SMYD3: variants seen among roughly 807,000 people sequenced by gnomAD.
SMYD3 encodes histone-lysine N-methyltransferase SMYD3.
In SMYD3, 36 loss-of-function variants were observed where a neutral mutation model predicts 57.7. That is an observed-to-expected ratio of 0.62 (90% CI 0.48 to 0.82). The LOEUF (loss-of-function observed/expected upper bound fraction) is 0.82. Ranked by LOEUF, SMYD3 falls within the 40% of genes least tolerant of loss-of-function variation. The pLI is 0.00. For synonymous variants in SMYD3, 211 were observed against 195.0 expected, an observed-to-expected ratio of 1.08 and a Z score of -0.68; for missense variants, 515 against 538.8, an observed-to-expected ratio of 0.96 and a Z score of 0.44.
At chr1:246,033,794 T>A (rs954390167) in intron 5 of SMYD3, among the ~76,000 whole-genome samples, 14 of 151,936 alleles carry the variant, frequency 9.2e-5, no homozygotes, top group Non-Finnish European at 2.1e-4. Context: ...CTCAAAAAAA[T>A]TAATTAATTA....
intron 10 of SMYD3, among the ~76,000 whole-genome samples, chr1:245,795,453 C>A (rs1198746572): frequency 6.6e-6 from 1 of 152,204 alleles, no homozygotes; most frequent in Admixed American, 6.5e-5. Flanking sequence ...GAGCCAAATT[C>A]CCAGCCATTT....
At chr1:246,102,755 A>T (rs4654086) in intron 5 of SMYD3, among the ~76,000 whole-genome samples, 78,685 of 146,648 alleles carry the variant, frequency 0.54, 22,790 homozygotes, top group Non-Finnish European at 0.66. Context: ...AAAAAAAAAA[A>T]AATAATAATA....
intron 5 of SMYD3, among the ~76,000 whole-genome samples, chr1:246,187,340 T>C (rs1413113636): frequency 1.4e-5 from 2 of 143,112 alleles, no homozygotes; most frequent in Non-Finnish European, 3.1e-5. Context: ...GAATGAAGAG[T>C]GGAAAAGATA....
At chr1:246,444,505 A>C (rs1026781822) in intron 1 of SMYD3, among the ~76,000 whole-genome samples, 1 of 152,174 alleles carries the variant, frequency 6.6e-6, no homozygotes, top group Non-Finnish European at 1.5e-5. Flanking sequence ...AAATATTGTA[A>C]GATTTGTGCT....
At chr1:246,062,742 A>C (rs889566062) in intron 5 of SMYD3, among the ~76,000 whole-genome samples, 4 of 152,200 alleles carry the variant, frequency 2.6e-5, no homozygotes, top group African/African-American at 9.6e-5. Flanking sequence ...TCCTTATGGC[A>C]CTTAAAATGC....
chr1:246,077,555 G>T (rs2060569219), intron 5 of SMYD3, among the ~76,000 whole-genome samples: 1 of 151,470 alleles, frequency 6.6e-6, no homozygotes, highest in South Asian at 2.1e-4. Context: ...GAGAGAAGAG[G>T]AATCTTTTTT....
At chr1:246,373,153 A>G (rs1035450705) in intron 1 of SMYD3, among the ~76,000 whole-genome samples, 6 of 152,210 alleles carry the variant, frequency 3.9e-5, no homozygotes, top group African/African-American at 1.4e-4. Context: ...TTTTTTCTTT[A>G]AATGATACGA....
At chr1:245,863,354 G>C (rs372385215) in intron 9 of SMYD3, among the ~76,000 whole-genome samples, 1 of 152,088 alleles carries the variant, frequency 6.6e-6, no homozygotes, top group African/African-American at 2.4e-5. Flanking sequence ...AAAATGTGTC[G>C]TGCAGCAATC....
chr1:246,501,502 A>C (rs2068454502), intron 1 of SMYD3, among the ~76,000 whole-genome samples: 1 of 152,168 alleles, frequency 6.6e-6, no homozygotes, highest in African/African-American at 2.4e-5. Flanking sequence ...GTACATATCA[A>C]GTCAACCCAT....
At chr1:246,439,389 G>A (rs1047556837) in intron 1 of SMYD3, among the ~76,000 whole-genome samples, 1 of 152,162 alleles carries the variant, frequency 6.6e-6, no homozygotes, top group Non-Finnish European at 1.5e-5. Context: ...GCCTTCTCAT[G>A]TATCTTCACC....
intron 5 of SMYD3, among the ~76,000 whole-genome samples, chr1:246,238,032 GT>G (rs947650467): frequency 6.6e-6 from 1 of 151,966 alleles, no homozygotes; most frequent in South Asian, 2.1e-4. Context: ...AGTATCTTCT[GT>G]TTTTTCATTT....
At chr1:246,243,160 G>A (rs1030495338) in intron 5 of SMYD3, among the ~76,000 whole-genome samples, 3 of 152,056 alleles carry the variant, frequency 2.0e-5, no homozygotes, top group African/African-American at 4.8e-5. Context: ...ATTCTTCTCA[G>A]CACCACATCG....
At chr1:245,842,158 A>G (rs780906620) in intron 10 of SMYD3, among the ~76,000 whole-genome samples, 3 of 152,166 alleles carry the variant, frequency 2.0e-5, no homozygotes, top group Non-Finnish European at 4.4e-5. Context: ...AAAATCATCT[A>G]ATGACGCATT....
At chr1:245,833,039 T>C (rs2049924559) in intron 10 of SMYD3, among the ~76,000 whole-genome samples, 1 of 116,238 alleles carries the variant, frequency 8.6e-6, no homozygotes, top group Admixed American at 9.4e-5. Flanking sequence ...TTGCCTTTAA[T>C]TACTGCCCGG....
intron 1 of SMYD3, among the ~76,000 whole-genome samples, chr1:246,501,332 T>A (rs12045741): frequency 0.4 from 61,547 of 152,098 alleles, 14,224 homozygotes; most frequent in East Asian, 0.71. Flanking sequence ...AAACTATTCA[T>A]GCCAATGTCT....
chr1:246,479,107 C>A (rs1015090277), intron 1 of SMYD3, among the ~76,000 whole-genome samples: 1 of 151,540 alleles, frequency 6.6e-6, no homozygotes, highest in Non-Finnish European at 1.5e-5. Context: ...CATATATGTA[C>A]ACCTGTCCTC....
intron 5 of SMYD3, among the ~76,000 whole-genome samples, chr1:246,170,195 C>T (rs1011286868): frequency 1.3e-5 from 2 of 151,890 alleles, no homozygotes; most frequent in Non-Finnish European, 1.5e-5. Flanking sequence ...TTTTCATTAA[C>T]CTAAAATGAA....
chr1:245,827,546 C>T (rs1290792339), intron 10 of SMYD3, among the ~76,000 whole-genome samples: 4 of 152,198 alleles, frequency 2.6e-5, no homozygotes, highest in African/African-American at 7.2e-5. Context: ...CACACGCACT[C>T]CCGGTATTTC....
chr1:245,870,425 C>A (rs1047804212), intron 8 of SMYD3, among the ~76,000 whole-genome samples: 3 of 152,114 alleles, frequency 2.0e-5, no homozygotes, highest in African/African-American at 7.2e-5. Flanking sequence ...GGGGAGTGGG[C>A]TCGCTTACCT....
Sources: allele counts gnomAD v4.1 joint callset (sites outside exome capture counted in the v4.1 genomes callset), GRCh38; gene constraint gnomAD v4.1.1; transcripts MANE v1.5; gene names NCBI Gene and HGNC (gene_info 2026-07-23, HGNC 2026-07-21).